The following TRIP12 variants were observed in gnomAD, a reference collection of about 807,000 sequenced individuals.
The protein encoded by TRIP12 is E3 ubiquitin-protein ligase TRIP12.
TRIP12 carries 25 observed loss-of-function variants against 244.2 expected under a neutral mutation model. The ratio of observed to expected loss-of-function variants is 0.10; its 90% CI spans 0.07 to 0.14. TRIP12 has a LOEUF of 0.14. Among genes scored for constraint, TRIP12 ranks in the 10% least tolerant of loss-of-function variants. The pLI is 1.00. For missense variants in TRIP12, 1,677 were observed against 2,486.4 expected (o/e 0.67, Z 6.92); for synonymous variants, 905 against 873.1 (o/e 1.04, Z -0.64).
intron 9 of TRIP12, 70 bp from the exon 10 acceptor site, chr2:229,815,378 T>G: frequency 2.2e-6 from 2 of 912,486 alleles, no homozygotes; most frequent in Non-Finnish European, 1.7e-6. Context: ...TTCTTCCTCT[T>G]CTATTTGAAC....
intron 1 of TRIP12, among the ~76,000 whole-genome samples, chr2:229,885,170 G>T (rs891335560): frequency 3.3e-5 from 5 of 152,082 alleles, no homozygotes; most frequent in Non-Finnish European, 5.9e-5. Flanking sequence ...AGAGGAACAG[G>T]TATGTTACAA....
chr2:229,906,956 G>A (rs1446900311), intron 1 of TRIP12, among the ~76,000 whole-genome samples: 2 of 152,138 alleles, frequency 1.3e-5, no homozygotes, highest in African/African-American at 2.4e-5. Flanking sequence ...ATAATTAGCA[G>A]TGATAAAACA....
chr2:229,777,523 TC>T, intron 36 of TRIP12, 44 bp from the exon 37 acceptor site: 1 of 1,600,844 alleles, frequency 6.2e-7, no homozygotes, highest in Non-Finnish European at 8.5e-7. Context: ...ACACTGAACT[TC>T]CAGCATTACC....
rs551818757 is a variant in TRIP12, at chr2:229,787,714, T to TA, written c.4839-54dup. On this transcript the variant is annotated intron_variant, in intron 32 of 41. Coordinates refer to ENST00000675903, the MANE Select transcript of TRIP12 (RefSeq NM_001348323.3). ...TATCTGGATGAGAATCAGAAACTAC[T>TA]AAAAAAAAAATCCAAACTTATATTA... The TA allele has an allele frequency of 7.5e-3, 9,826 of 1,310,778 alleles. 7 individuals carry two copies. The highest frequency in any genetic ancestry group is 8.5e-3 in the Non-Finnish European group (8,411 of 988,480). 81.2% of individuals were successfully genotyped at this position (1,310,778 alleles called of 1,614,324 possible).
At chr2:229,837,752 TAATG>T (rs2055216606) in intron 5 of TRIP12, among the ~76,000 whole-genome samples, 1 of 152,168 alleles carries the variant, frequency 6.6e-6, no homozygotes, top group Non-Finnish European at 1.5e-5. Context: ...ACTATCCTAA[TAATG>T]AATAACTCCA....
chr2:229,892,201 G>A (rs1201715345), intron 1 of TRIP12, among the ~76,000 whole-genome samples: 1 of 152,180 alleles, frequency 6.6e-6, no homozygotes, highest in Non-Finnish European at 1.5e-5. Context: ...AAGGAGTAGA[G>A]GATAATGGGA....
chr2:229,785,872 A>C lies in TRIP12; in HGVS notation c.4996-17T>G, dbSNP rs1176655992. On this transcript the variant is annotated splice_polypyrimidine_tract_variant and intron_variant, in intron 33 of 41. Transcript: ENST00000675903. ...CACAGTACGCTACAAAGAAAGTACAACTGTCAGGAAACTATGCTCTACCCA... is the reference window on the plus strand; with the variant it reads ...CACAGTACGCTACAAAGAAAGTACACCTGTCAGGAAACTATGCTCTACCCA... 6.2e-7 allele frequency: 1 copy of C among 1,602,084 alleles called. No homozygotes were observed. The highest frequency in any genetic ancestry group is 1.3e-5 in the African/African-American group (1 of 74,330).
At chr2:229,837,060 A>G in intron 5 of TRIP12, 76 bp from the exon 6 acceptor site, 1 of 1,340,956 alleles carries the variant, frequency 7.5e-7, no homozygotes, top group Non-Finnish European at 9.6e-7. Flanking sequence ...CAAAGCTCAA[A>G]TTCATGGAGC....
At chr2:229,834,597 T>C (rs374573034) in intron 6 of TRIP12, among the ~76,000 whole-genome samples, 2 of 152,050 alleles carry the variant, frequency 1.3e-5, no homozygotes, top group East Asian at 3.9e-4. Flanking sequence ...CCTTCTGTAC[T>C]AAAAATACAA....
intron 1 of TRIP12, among the ~76,000 whole-genome samples, chr2:229,881,381 T>G (rs1219111607): frequency 6.6e-6 from 1 of 152,106 alleles, no homozygotes; most frequent in Admixed American, 6.5e-5. Flanking sequence ...CCAAGTGGAG[T>G]TCTTTCATTA....
At chr2:229,827,044 G>A (rs1278941902) in intron 8 of TRIP12, among the ~76,000 whole-genome samples, 2 of 152,058 alleles carry the variant, frequency 1.3e-5, no homozygotes, top group Non-Finnish European at 2.9e-5. Flanking sequence ...ACTTTGGGAG[G>A]CTGAGGCAGG....
intron 1 of TRIP12, among the ~76,000 whole-genome samples, chr2:229,913,243 G>A (rs2074678853): frequency 6.6e-6 from 1 of 152,046 alleles, no homozygotes; most frequent in Non-Finnish European, 1.5e-5. Flanking sequence ...TCTAATATCA[G>A]ATTTTCTAAA....
At chr2:229,810,628 G>T (rs552701329) in intron 15 of TRIP12, among the ~76,000 whole-genome samples, 32 of 152,290 alleles carry the variant, frequency 2.1e-4, no homozygotes, top group African/African-American at 7.5e-4. Context: ...ACATGGCATA[G>T]ATATTAATGA....
intron 13 of TRIP12, among the ~76,000 whole-genome samples, chr2:229,812,597 G>A (rs1000591494): frequency 1.3e-5 from 2 of 152,092 alleles, no homozygotes; most frequent in African/African-American, 4.8e-5. Flanking sequence ...CTTGAGTGCA[G>A]GAGTTTGAGA....
At chr2:229,793,325 A>G (rs2042008681) in intron 26 of TRIP12, 180 bp from the exon 27 acceptor site, 2 of 541,012 alleles carry the variant, frequency 3.7e-6, no homozygotes, top group South Asian at 3.9e-5. Flanking sequence ...AAAAATTTTT[A>G]TACGTAAGAA....
In TRIP12 at chr2:229,797,851, G is replaced by A. The variant is rs1232106356; in HGVS notation, c.3483-20C>T. On this transcript the variant is annotated intron_variant, in intron 23 of 41. Transcript: ENST00000675903. ...TTTTCTCTACAAGAAACAAAAAGGAGATATTAAAGTCCCAGTGTATGTAGA... is the reference window on the plus strand; with the variant it reads ...TTTTCTCTACAAGAAACAAAAAGGAAATATTAAAGTCCCAGTGTATGTAGA... 6 of 1,610,086 alleles carry A rather than the reference G, an allele frequency of 3.7e-6. No individual in the cohort carries two copies. The highest frequency in any genetic ancestry group is 1.3e-5 in the African/African-American group (1 of 74,716).
chr2:229,784,136 A>AG (rs1271429877), intron 34 of TRIP12, among the ~76,000 whole-genome samples: 1 of 148,390 alleles, frequency 6.7e-6, no homozygotes, highest in Non-Finnish European at 1.5e-5. Context: ...AGAGAAAAGA[A>AG]AAAAAAAAAA....
chr2:229,827,076 C>G (rs952898993), intron 8 of TRIP12, among the ~76,000 whole-genome samples: 30 of 151,954 alleles, frequency 2.0e-4, no homozygotes, highest in African/African-American at 7.2e-4. Context: ...GTCAGGAGAT[C>G]GAGAACATCC....
At chr2:229,863,225 T>A (rs1405888157) in intron 2 of TRIP12, among the ~76,000 whole-genome samples, 2 of 128,918 alleles carry the variant, frequency 1.6e-5, no homozygotes, top group Admixed American at 8.9e-5. Context: ...CGAGACTCCA[T>A]CTCGAAAAAA....
Sources: allele counts gnomAD v4.1 joint callset (sites outside exome capture counted in the v4.1 genomes callset), GRCh38; gene constraint gnomAD v4.1.1; transcripts MANE v1.5; gene names NCBI Gene and HGNC (gene_info 2026-07-23, HGNC 2026-07-21).